The following IRX3 variants were observed in gnomAD, a reference collection of about 807,000 sequenced individuals.
IRX3 encodes the protein iroquois-class homeodomain protein IRX-3.
IRX3 carries 20 observed loss-of-function variants against 36.4 expected under a neutral mutation model. The observed-to-expected ratio is 0.55, with a 90% confidence interval of 0.39 to 0.80. IRX3 has a LOEUF of 0.80. Among genes scored for constraint, IRX3 ranks in the 30% least tolerant of loss-of-function variants. The pLI, the probability that IRX3 is intolerant of heterozygous loss-of-function variation, is 0.00. For missense variants in IRX3, 718 were observed against 733.2 expected, an observed-to-expected ratio of 0.98 and a Z score of 0.24; for synonymous variants, 404 against 351.6, an observed-to-expected ratio of 1.15 and a Z score of -1.67.
Position 54,284,355 on chromosome 16 carries a change from T to A in IRX3, c.1385-43A>T, listed in dbSNP as rs1468694364. On this transcript the variant is annotated intron_variant, in intron 2 of 3. Transcript: ENST00000329734. This position sits in a 1 kb window ranked among gnomAD's most constrained non-coding sequence, Gnocchi z 4.0. ...AGAAAAAGGAGGGCCTTTAGAGCGC[T>A]CGGTGCCGGCGCCCAGGGCCGCAGA... 3 of 1,579,510 alleles carry A rather than the reference T, an allele frequency of 1.9e-6. No individual in the cohort carries two copies. Among genetic ancestry groups the A allele is most frequent in the Non-Finnish European group, 2.6e-6 (3 of 1,166,294 alleles).
Position 54,284,203 on chromosome 16 carries a change from C to A in IRX3, c.1451+43G>T. Reference sequence around the variant, plus strand: ...GGTGCTCGGCGTCCTCTCCTTTCCCCGCCAGCCAGTCCCCCTGGCCCCTCA... The same window carrying A: ...GGTGCTCGGCGTCCTCTCCTTTCCCAGCCAGCCAGTCCCCCTGGCCCCTCA... On this transcript the variant is annotated intron_variant, in intron 3 of 3. Transcript: ENST00000329734. The surrounding 1 kb of genome is among the most constrained non-coding windows in gnomAD (Gnocchi z 4.0). 1 of 1,573,080 alleles carries A rather than the reference C, an allele frequency of 6.4e-7. No individual in the cohort carries two copies. The highest frequency in any genetic ancestry group is 8.7e-7 in the Non-Finnish European group (1 of 1,147,390).
rs761910883 is a variant in IRX3, at chr16:54,284,209, C to A, written c.1451+37G>T. ...CGGCGTCCTCTCCTTTCCCCGCCAG[C>A]CAGTCCCCCTGGCCCCTCAACCTCG... On this transcript the variant is annotated intron_variant, in intron 3 of 3. Coordinates refer to ENST00000329734, the MANE Select transcript of IRX3 (RefSeq NM_024336.3). The surrounding 1 kb of genome is among the most constrained non-coding windows in gnomAD (Gnocchi z 4.0). 1 of 1,584,062 alleles carries A rather than the reference C, an allele frequency of 6.3e-7. No homozygotes were observed. Among genetic ancestry groups the A allele is most frequent in the South Asian group, 1.1e-5 (1 of 89,328 alleles).
chr16:54,284,549 G>A lies in IRX3; in HGVS notation c.1332C>T (p.His444=), dbSNP rs900976990. 41 of 1,418,616 alleles carry A rather than the reference G, an allele frequency of 2.9e-5. No homozygotes were observed. The highest frequency in any genetic ancestry group is 9.1e-6 in the Non-Finnish European group (10 of 1,096,778). The allele number at this position is 1,418,616 out of a possible 1,614,324, so 87.9% of individuals were successfully genotyped here. A position where few individuals can be genotyped will look rare whatever the true frequency, so the allele number is the denominator to read the frequency against. The change falls in exon 2 of 4, where the codon CAC becomes CAT. Residue 444 remains histidine (H), a synonymous_variant. Transcript: ENST00000329734. The surrounding 1 kb of genome is among the most constrained non-coding windows in gnomAD (Gnocchi z 4.0). ...GAGCGAAGGCGGCGGCGGCAGCCGG[G>A]TGGCCCGCGGCTCCGGGAAGTCCCA... ...HLLGLPGAAG[H]PAAAAAFARP... is the part of the protein sequence containing the mutation.
In IRX3 at chr16:54,284,977, C is replaced by T; in HGVS notation, c.904G>A (p.Asp302Asn). The T allele has an allele frequency of 1.2e-6, 2 of 1,612,620 alleles. No homozygotes were observed. Among genetic ancestry groups the T allele is most frequent in the Non-Finnish European group, 1.7e-6 (2 of 1,179,742 alleles). The change falls in exon 2 of 4, where the codon GAC becomes AAC. Residue 302 changes from aspartate (D) to asparagine (N), a missense_variant. Physicochemically the swap from Asp to Asn is conservative, Grantham distance 23. Coordinates refer to ENST00000329734, the MANE Select transcript of IRX3 (RefSeq NM_024336.3). This position sits in a 1 kb window ranked among gnomAD's most constrained non-coding sequence, Gnocchi z 4.0. ...DSEDSSEGLE[D>N]RPLPVLSLAP... Reference sequence around the variant, plus strand: ...AGACTCAGGACCGGTAGTGGCCGGTCCTCTAAGCCCTCAGAGCTATCTTCC... The same window carrying T: ...AGACTCAGGACCGGTAGTGGCCGGTTCTCTAAGCCCTCAGAGCTATCTTCC...
Position 54,284,559 on chromosome 16 carries a change from G to A in IRX3, c.1322C>T (p.Ala441Val), listed in dbSNP as rs1293662778. ...APPHLLGLPG[A>V]AGHPAAAAAF... ...GGCGGCGGCAGCCGGGTGGCCCGCG[G>A]CTCCGGGAAGTCCCAGCAGGTGCGG... Residue 441 changes from alanine (A) to valine (V), a missense_variant, in exon 2 of 4, where the codon GCC becomes GTC. Physicochemically the swap from Ala to Val is moderately conservative, Grantham distance 64. Transcript: ENST00000329734. The surrounding 1 kb of genome is among the most constrained non-coding windows in gnomAD (Gnocchi z 4.0). 4.9e-6 allele frequency: 7 copies of A among 1,417,016 alleles called. No homozygotes were observed. Among genetic ancestry groups the A allele is most frequent in the South Asian group, 4.6e-5 (3 of 65,276 alleles). 87.8% of individuals were successfully genotyped at this position (1,417,016 alleles called of 1,614,324 possible).
chr16:54,286,134 C>T lies in IRX3; in HGVS notation c.-84G>A, dbSNP rs1901334167. The T allele has an allele frequency of 2.6e-6, 3 of 1,152,846 alleles. 1 individual carries two copies. The highest frequency in any genetic ancestry group is 8.6e-5 in the South Asian group (2 of 23,388). The allele number at this position is 1,152,846 out of a possible 1,614,324, so 71.4% of individuals were successfully genotyped here. ...GCCGCCCGCGGGCTCCGGCGCGCAT[C>T]GGGGGCTGGGCCGGGCTTGGGGCCG... On this transcript the variant is annotated 5_prime_UTR_variant, in exon 1 of 4. Transcript: ENST00000329734.
At position 54,285,681 on chromosome 16, in the gene IRX3, CT is replaced by C. The variant is rs1333381258; in HGVS notation, c.268-69del. The C allele has an allele frequency of 1.4e-5, 21 of 1,461,024 alleles. No homozygotes were observed. Among genetic ancestry groups the C allele is most frequent in the Non-Finnish European group, 1.9e-5 (21 of 1,111,018 alleles). 90.5% of individuals were successfully genotyped at this position (1,461,024 alleles called of 1,614,324 possible). A position where few individuals can be genotyped will look rare whatever the true frequency, so the allele number is the denominator to read the frequency against. ...GCGAGTGAGCCCCAGCCATCGCTGC[CT>C]CCCCCCTCCTGGCCTGCACCCCTCT... On this transcript the variant is annotated intron_variant, in intron 1 of 3. Coordinates refer to ENST00000329734, the MANE Select transcript of IRX3 (RefSeq NM_024336.3). The surrounding 1 kb of genome is among the most constrained non-coding windows in gnomAD (Gnocchi z 5.7).
Position 54,283,739 on chromosome 16 carries a change from G to A in IRX3, c.1453C>T (p.Pro485Ser), listed in dbSNP as rs755436787. The change falls in exon 4 of 4, where the codon CCC (proline) becomes TCC (serine). Residue 485 changes from proline to serine, a missense_variant and splice_region_variant. Physicochemically the swap from Pro to Ser is moderately conservative, Grantham distance 74. This residue lies in a region of IRX3 where 468 missense variants were observed against 462.1 expected (regional missense o/e 1.01). Transcript: ENST00000329734. This position sits in a 1 kb window ranked among gnomAD's most constrained non-coding sequence, Gnocchi z 4.4. ...AGGGCGGCGTCCAGATGGTTCTGGG[G>A]CCTGGAAGAGAGAGACAGTAGTAGC... Reference protein sequence around the residue: ...KTAFQPVPRRPQNHLDAALVL... With the variant: ...KTAFQPVPRRSQNHLDAALVL... 29 of 1,594,650 alleles carry A rather than the reference G, an allele frequency of 1.8e-5. No individual in the cohort carries two copies. In the South Asian group the frequency reaches 3.2e-4, roughly 18 times the overall value.
In IRX3 at chr16:54,285,184, G is replaced by GCTC; in HGVS notation, c.694_696dup (p.Glu232dup). On this transcript the variant is annotated inframe_insertion, in exon 2 of 4. Transcript: ENST00000329734. The surrounding 1 kb of genome is among the most constrained non-coding windows in gnomAD (Gnocchi z 5.7). ...CCCGTGTCCTCCTCCTCCCCCCCGA[G>GCTC]CTCCTCCTCCTCCAGCTCTAGCTCG... 1.3e-6 allele frequency: 2 copies of GCTC among 1,599,870 alleles called. No individual in the cohort carries two copies. Among genetic ancestry groups the GCTC allele is most frequent in the South Asian group, 1.1e-5 (1 of 89,784 alleles).
rs770932556 is a variant in IRX3 at position 54,284,745 on chromosome 16, G to A, written c.1136C>T (p.Ala379Val). 5.0e-4 allele frequency: 729 copies of A among 1,455,278 alleles called. No homozygotes were observed. The highest frequency in any genetic ancestry group is 5.0e-4 in the Non-Finnish European group (560 of 1,116,652). The allele number at this position is 1,455,278 out of a possible 1,614,324, so 90.1% of individuals were successfully genotyped here. A position where few individuals can be genotyped will look rare whatever the true frequency, so the allele number is the denominator to read the frequency against. The change falls in exon 2 of 4, where the codon GCG becomes GTG. Residue 379 changes from alanine (A) to valine (V), a missense_variant. Ala to Val is a moderately conservative substitution (Grantham distance 64). Coordinates refer to ENST00000329734, the MANE Select transcript of IRX3 (RefSeq NM_024336.3). This position sits in a 1 kb window ranked among gnomAD's most constrained non-coding sequence, Gnocchi z 4.0. ...AGGSPPGAAV[A>V]PSALQLSPAA... The stretch of plus-strand genomic sequence containing the variant: ...CGGAGAGAGCTGCAGGGCGGAAGGC[G>A]CGACCGCTGCCCCCGGTGGAGACCC...
chr16:54,285,698 G>A lies in IRX3; in HGVS notation c.268-85C>T. ...ATCGCTGCCTCCCCCCTCCTGGCCT[G>A]CACCCCTCTAGTCCGGCCCCCGCGC... On this transcript the variant is annotated intron_variant, in intron 1 of 3. Coordinates refer to ENST00000329734, the MANE Select transcript of IRX3 (RefSeq NM_024336.3). This position sits in a 1 kb window ranked among gnomAD's most constrained non-coding sequence, Gnocchi z 5.7. 1 of 1,464,136 alleles carries A rather than the reference G, an allele frequency of 6.8e-7. No individual in the cohort carries two copies. Among genetic ancestry groups the A allele is most frequent in the Non-Finnish European group, 9.0e-7 (1 of 1,114,248 alleles). The allele number at this position is 1,464,136 out of a possible 1,614,324, so 90.7% of individuals were successfully genotyped here.
rs750211299 is a variant in IRX3, at chr16:54,285,160, C to G, written c.721G>C (p.Gly241Arg). 1 of 1,606,804 alleles carries G rather than the reference C, an allele frequency of 6.2e-7. No individual in the cohort carries two copies. Among genetic ancestry groups the G allele is most frequent in the East Asian group, 2.2e-5 (1 of 44,510 alleles). The change falls in exon 2 of 4, where the codon GGG (glycine) becomes CGG (arginine). Residue 241 changes from glycine to arginine, a missense_variant. Physicochemically the swap from Gly to Arg is moderately radical, Grantham distance 125. Around this residue, in one of 3 missense-constraint regions of IRX3, gnomAD observed 468 missense variants for 462.1 expected, o/e 1.01. Coordinates refer to ENST00000329734, the MANE Select transcript of IRX3 (RefSeq NM_024336.3). The surrounding 1 kb of genome is among the most constrained non-coding windows in gnomAD (Gnocchi z 5.7). ...TCGTCGTCAGCCAGGCCCTCGCCCC[C>G]CGTGTCCTCCTCCTCCCCCCCGAGC... ...EELGGEEEDT[G>R]GEGLADDDED...
chr16:54,286,088 C>T lies in IRX3; in HGVS notation c.-38G>A, dbSNP rs1183865707. 1.3e-5 allele frequency: 16 copies of T among 1,224,676 alleles called. No individual in the cohort carries two copies. Among genetic ancestry groups the T allele is most frequent in the Non-Finnish European group, 1.6e-5 (16 of 976,074 alleles). The allele number at this position is 1,224,676 out of a possible 1,614,324, so 75.9% of individuals were successfully genotyped here. A position where few individuals can be genotyped will look rare whatever the true frequency, so the allele number is the denominator to read the frequency against. On this transcript the variant is annotated 5_prime_UTR_variant, in exon 1 of 4. Transcript: ENST00000329734. ...GGCACGGACGGAGAGGGGGGCCGAC[C>T]CCCGGGCCGCCCAGCTCAGCGCCGC...
rs1901338998 is a variant in IRX3 at position 54,286,260 on chromosome 16, C to G, written c.-210G>C. Reference sequence around the variant, plus strand: ...GCGGCGGCGAGGAGCCAGGTCAGGTCCGAACAGATTGGCGGAGATTCCCGG... The same window carrying G: ...GCGGCGGCGAGGAGCCAGGTCAGGTGCGAACAGATTGGCGGAGATTCCCGG... On this transcript the variant is annotated 5_prime_UTR_variant, in exon 1 of 4. Coordinates refer to ENST00000329734, the MANE Select transcript of IRX3 (RefSeq NM_024336.3). 6.0e-6 allele frequency: 6 copies of G among 1,006,754 alleles called. No individual in the cohort carries two copies. Among genetic ancestry groups the G allele is most frequent in the African/African-American group, 1.7e-5 (1 of 57,604 alleles). 62.4% of individuals were successfully genotyped at this position (1,006,754 alleles called of 1,614,324 possible).
Position 54,284,168 on chromosome 16 carries a change from G to A in IRX3, c.1451+78C>T. 9 of 1,400,986 alleles carry A rather than the reference G, an allele frequency of 6.4e-6. 1 individual carries two copies. The South Asian group carries it at 1.1e-4, about 17-fold the overall frequency. 86.8% of individuals were successfully genotyped at this position (1,400,986 alleles called of 1,614,324 possible). A position where few individuals can be genotyped will look rare whatever the true frequency, so the allele number is the denominator to read the frequency against. ...GGTTCCCCCCTACCCCGGGGCAAAA[G>A]GCCGTGCGTGGTGCTCGGCGTCCTC... On this transcript the variant is annotated intron_variant, in intron 3 of 3. Coordinates refer to ENST00000329734, the MANE Select transcript of IRX3 (RefSeq NM_024336.3). The surrounding 1 kb of genome is among the most constrained non-coding windows in gnomAD (Gnocchi z 4.0).
Position 54,285,702 on chromosome 16 carries a change from C to T in IRX3, c.267+82G>A, listed in dbSNP as rs569499442. ...CTGCCTCCCCCCTCCTGGCCTGCACCCCTCTAGTCCGGCCCCCGCGCGCTC... is the reference window on the plus strand; with the variant it reads ...CTGCCTCCCCCCTCCTGGCCTGCACTCCTCTAGTCCGGCCCCCGCGCGCTC... On this transcript the variant is annotated intron_variant, in intron 1 of 3. Coordinates refer to ENST00000329734, the MANE Select transcript of IRX3 (RefSeq NM_024336.3). The surrounding 1 kb of genome is among the most constrained non-coding windows in gnomAD (Gnocchi z 5.7). 27 of 1,457,334 alleles carry T rather than the reference C, an allele frequency of 1.9e-5. 1 individual carries two copies. In the South Asian group the frequency reaches 3.5e-4, roughly 19 times the overall value. 90.3% of individuals were successfully genotyped at this position (1,457,334 alleles called of 1,614,324 possible). A position where few individuals can be genotyped will look rare whatever the true frequency, so the allele number is the denominator to read the frequency against.
Position 54,284,267 on chromosome 16 carries a change from G to A in IRX3, c.1430C>T (p.Ala477Val). 1.2e-6 allele frequency: 2 copies of A among 1,612,654 alleles called. No homozygotes were observed. Among genetic ancestry groups the A allele is most frequent in the South Asian group, 2.2e-5 (2 of 90,852 alleles). ...LEVEKKLLKT[A>V]FQPVPRRPQN... is the part of the protein sequence containing the mutation. ...TTACCGCCTGGGCACGGGCTGGAAAGCTGTCTTGAGTAACTTTTTCTCCAC... is the reference window on the plus strand; with the variant it reads ...TTACCGCCTGGGCACGGGCTGGAAAACTGTCTTGAGTAACTTTTTCTCCAC... Residue 477 changes from alanine to valine, a missense_variant, in exon 3 of 4, where the codon GCT becomes GTT. Ala to Val is a moderately conservative substitution (Grantham distance 64). This residue lies in a region of IRX3 where 468 missense variants were observed against 462.1 expected (regional missense o/e 1.01). Coordinates refer to ENST00000329734, the MANE Select transcript of IRX3 (RefSeq NM_024336.3). This position sits in a 1 kb window ranked among gnomAD's most constrained non-coding sequence, Gnocchi z 4.0.
At position 54,283,538 on chromosome 16, in the gene IRX3, T is replaced by C. The variant is rs1388364691; in HGVS notation, c.*148A>G. On this transcript the variant is annotated 3_prime_UTR_variant, in exon 4 of 4. Transcript: ENST00000329734. The surrounding 1 kb of genome is among the most constrained non-coding windows in gnomAD (Gnocchi z 4.4). ...GGCTGAGGAGGACTGGTTTTATTTCTTTTTCTTACTTTCTTTGTTTAGTTT... is the reference window on the plus strand; with the variant it reads ...GGCTGAGGAGGACTGGTTTTATTTCCTTTTCTTACTTTCTTTGTTTAGTTT... 10 of 566,566 alleles carry C rather than the reference T, an allele frequency of 1.8e-5. No individual in the cohort carries two copies. Among genetic ancestry groups the C allele is most frequent in the Non-Finnish European group, 2.3e-5 (7 of 310,726 alleles). 35.1% of individuals were successfully genotyped at this position (566,566 alleles called of 1,614,324 possible). A position where few individuals can be genotyped will look rare whatever the true frequency, so the allele number is the denominator to read the frequency against.
chr16:54,284,629 G>A lies in IRX3; in HGVS notation c.1252C>T (p.Pro418Ser). 3 of 1,375,920 alleles carry A rather than the reference G, an allele frequency of 2.2e-6. No homozygotes were observed. The highest frequency in any genetic ancestry group is 2.8e-6 in the Non-Finnish European group (3 of 1,075,620). The allele number at this position is 1,375,920 out of a possible 1,614,324, so 85.2% of individuals were successfully genotyped here. A position where few individuals can be genotyped will look rare whatever the true frequency, so the allele number is the denominator to read the frequency against. Residue 418 changes from proline (P) to serine (S), a missense_variant, in exon 2 of 4, where the codon CCC becomes TCC. Transcript: ENST00000329734. The surrounding 1 kb of genome is among the most constrained non-coding windows in gnomAD (Gnocchi z 4.0). Reference protein sequence around the residue: ...WTNRPFPGPPPGPRLHPLSLL... With the variant: ...WTNRPFPGPPSGPRLHPLSLL... ...GAGAGCGGGTGCAGGCGGGGGCCGG[G>A]CGGTGGGCCTGGAAACGGCCGGTTG...
Sources: allele counts gnomAD v4.1 joint callset, GRCh38; gene constraint gnomAD v4.1.1; regional missense constraint gnomAD v4.1.1; non-coding constraint Gnocchi (gnomAD v3.1); transcripts MANE v1.5; gene names NCBI Gene and HGNC (gene_info 2026-07-23, HGNC 2026-07-21).